Variants in EPB41L3 observed in about 807,000 individuals in gnomAD.
EPB41L3 encodes the protein erythrocyte membrane protein band 4.1 like 3.
Under a neutral mutation model 127.1 loss-of-function variants are expected in EPB41L3, and 57 were observed. The observed-to-expected ratio is 0.45, with a 90% CI of 0.36 to 0.56. The LOEUF is 0.56. Ranked by LOEUF, EPB41L3 falls within the 20% of genes least tolerant of loss-of-function variation. The probability of loss-of-function intolerance (pLI) is 0.00; values close to 1 mark genes in which losing one functional copy is unlikely to be tolerated. For missense variants in EPB41L3, 1,273 were observed against 1,372.2 expected, an observed-to-expected ratio of 0.93 and a Z score of 1.14; for synonymous variants, 572 against 549.5, an observed-to-expected ratio of 1.04 and a Z score of -0.57.
At chr18:5,568,381 C>T (rs1470307111) in intron 3 of EPB41L3, among the ~76,000 whole-genome samples, 1 of 144,782 alleles carries the variant, frequency 6.9e-6, no homozygotes, top group Non-Finnish European at 1.5e-5. Context: ...TCCCCAAGAG[C>T]TTCCCTTCTC....
rs369967519 is a variant in EPB41L3 at position 5,397,247 on chromosome 18, G to A, written c.2652C>T (p.Pro884=). The change falls in exon 18 of 23, where the codon CCC becomes CCT. Residue 884 remains proline, a synonymous_variant. Transcript: ENST00000341928. This position sits in a 1 kb window ranked among gnomAD's most constrained non-coding sequence, Gnocchi z 4.1. ...AGDSGDAAAQ[P]AFTGIKGKEG... is the part of the protein sequence containing the mutation. ...CTTTCCCTTTAATGCCTGTGAATGC[G>A]GGCTGTGCTGCAGCATCCCCGCTGT... 168 of 1,613,954 alleles carry A rather than the reference G, an allele frequency of 1.0e-4. 1 individual carries two copies. The East Asian group carries it at 2.2e-3, about 21-fold the overall frequency.
At chr18:5,491,973 T>C (rs761299173) in intron 1 of EPB41L3, among the ~76,000 whole-genome samples, 15 of 152,156 alleles carry the variant, frequency 9.9e-5, no homozygotes, top group Middle Eastern at 3.2e-3. Context: ...CATATACCAA[T>C]GTAAGCAAGC....
At chr18:5,428,534 T>C (rs1213994013) in intron 8 of EPB41L3, 69 bp from the exon 9 acceptor site, 3 of 1,574,500 alleles carry the variant, frequency 1.9e-6, no homozygotes, top group Admixed American at 3.5e-5. Context: ...GGGTAAAGTA[T>C]TTAAGCATCC....
At chr18:5,541,252 CAAAAAAAA>C (rs370717420) in intron 1 of EPB41L3, among the ~76,000 whole-genome samples, 1 of 46,766 alleles carries the variant, frequency 2.1e-5, no homozygotes, top group Admixed American at 3.9e-4. Flanking sequence ...GACTCCATCT[CAAAAAAAA>C]AAAAAAAAAA....
chr18:5,435,537 G>A (rs1214494325), intron 6 of EPB41L3, among the ~76,000 whole-genome samples: 1 of 152,144 alleles, frequency 6.6e-6, no homozygotes, highest in African/African-American at 2.4e-5. Flanking sequence ...ATGCTCTACA[G>A]GTTTCTAGCC....
intron 3 of EPB41L3, among the ~76,000 whole-genome samples, chr18:5,586,874 T>C (rs1268313657): frequency 6.6e-6 from 1 of 152,184 alleles, no homozygotes; most frequent in Non-Finnish European, 1.5e-5. Flanking sequence ...GACTCAGTAT[T>C]TGAGCCCTAA....
chr18:5,434,053 AG>A lies in EPB41L3; in HGVS notation c.673del (p.Leu225TrpfsTer43). Reference sequence around the variant, plus strand: ...GACAGTGTAGGAGCCCAGCAAGGCCAGGGTAACAAAGGAGCAGGGCAGCCTT... The same window carrying A: ...GACAGTGTAGGAGCCCAGCAAGGCCAGGTAACAAAGGAGCAGGGCAGCCTT... ...SGRLPCSFVT[L>X]ALLGSYTVQS... is the part of the protein sequence containing the mutation. On this transcript the variant is annotated frameshift_variant, in exon 7 of 23. Transcript: ENST00000341928. LOFTEE classifies it high-confidence loss of function. The A allele has an allele frequency of 6.2e-7, 1 of 1,614,168 alleles. No individual in the cohort carries two copies. Among genetic ancestry groups the A allele is most frequent in the Non-Finnish European group, 8.5e-7 (1 of 1,180,030 alleles).
Position 5,397,503 on chromosome 18 carries a change from G to A in EPB41L3, c.2473-77C>T, listed in dbSNP as rs570894029. On this transcript the variant is annotated intron_variant, in intron 17 of 22. Transcript: ENST00000341928. This position sits in a 1 kb window ranked among gnomAD's most constrained non-coding sequence, Gnocchi z 4.1. ...CAGAAAATAACTAAAGCTGCCACTC[G>A]CCAGGATGTCTAAAGCCAGCAGCAA... The A allele has an allele frequency of 4.7e-6, 7 of 1,487,076 alleles. No individual in the cohort carries two copies. The African/African-American group carries it at 5.6e-5, about 12-fold the overall frequency. The allele number at this position is 1,487,076 out of a possible 1,614,324, so 92.1% of individuals were successfully genotyped here.
intron 1 of EPB41L3, among the ~76,000 whole-genome samples, chr18:5,519,215 C>G (rs2092883814): frequency 6.6e-6 from 1 of 152,200 alleles, no homozygotes; most frequent in South Asian, 2.1e-4. Context: ...TCCTTGTTGC[C>G]GGGTACTGCA....
At chr18:5,410,974 T>G (rs914542833) in intron 13 of EPB41L3, among the ~76,000 whole-genome samples, 3 of 152,222 alleles carry the variant, frequency 2.0e-5, no homozygotes, top group Non-Finnish European at 4.4e-5. Context: ...CTTAAAATGT[T>G]TAATGCAAAT....
chr18:5,422,625 A>G (rs1388274811), intron 11 of EPB41L3, among the ~76,000 whole-genome samples: 1 of 152,214 alleles, frequency 6.6e-6, no homozygotes, highest in Non-Finnish European at 1.5e-5. Context: ...TCAGTTCCAG[A>G]GTATTGTTAC....
intron 1 of EPB41L3, among the ~76,000 whole-genome samples, chr18:5,531,747 A>G (rs2093419551): frequency 6.6e-6 from 1 of 151,702 alleles, no homozygotes; most frequent in South Asian, 2.1e-4. Context: ...AAAAAAAAAA[A>G]AAAAAGGAAG....
upstream of EPB41L3, among the ~76,000 whole-genome samples, chr18:5,547,484 C>T (rs1030364804): frequency 3.3e-5 from 5 of 152,180 alleles, no homozygotes; most frequent in East Asian, 7.7e-4. Flanking sequence ...GGAAAGATTC[C>T]ATGACTCTAG....
chr18:5,623,245 A>G (rs552342743), intron 1 of EPB41L3, among the ~76,000 whole-genome samples: 1 of 152,172 alleles, frequency 6.6e-6, no homozygotes, highest in African/African-American at 2.4e-5. Context: ...ATTTTGTAAC[A>G]TATTTGTGTA....
intron 2 of EPB41L3, among the ~76,000 whole-genome samples, chr18:5,486,580 A>T (rs1174020905): frequency 6.6e-6 from 1 of 152,192 alleles, no homozygotes; most frequent in African/African-American, 2.4e-5. Context: ...CAAAGTGTCT[A>T]CCTGACAAGG....
At chr18:5,428,234 CATAAGCAGATAATT>C in intron 9 of EPB41L3, 65 bp downstream of exon 9, 1 of 1,540,348 alleles carries the variant, frequency 6.5e-7, no homozygotes, top group Non-Finnish European at 8.9e-7. Flanking sequence ...GCTCAGAACT[CATAAGCAGATAATT>C]TAAATGCTTG....
chr18:5,420,361 A>G (rs2077325044), intron 11 of EPB41L3, among the ~76,000 whole-genome samples: 1 of 152,184 alleles, frequency 6.6e-6, no homozygotes, highest in African/African-American at 2.4e-5. Context: ...GCCATTCACC[A>G]AGGAGCACTG....
At chr18:5,627,187 T>A (rs977893354) in intron 1 of EPB41L3, among the ~76,000 whole-genome samples, 1 of 152,164 alleles carries the variant, frequency 6.6e-6, no homozygotes, top group African/African-American at 2.4e-5. Context: ...GTCACTTTGC[T>A]GAGATCCCTT....
chr18:5,557,440 G>C (rs1435459645), intron 3 of EPB41L3, among the ~76,000 whole-genome samples: 1 of 152,142 alleles, frequency 6.6e-6, no homozygotes, highest in Non-Finnish European at 1.5e-5. Context: ...CTGGAGTGCA[G>C]TGGCACAATC....
Sources: allele counts gnomAD v4.1 joint callset (sites outside exome capture counted in the v4.1 genomes callset), GRCh38; gene constraint gnomAD v4.1.1; non-coding constraint Gnocchi (gnomAD v3.1); transcripts MANE v1.5; gene names NCBI Gene and HGNC (gene_info 2026-07-23, HGNC 2026-07-21).